Variants in OXCT1 observed in about 807,000 individuals in gnomAD.
OXCT1 encodes the protein succinyl-CoA:3-ketoacid coenzyme A transferase 1, mitochondrial.
Under a neutral mutation model 69.6 loss-of-function variants are expected in OXCT1, and 27 were observed. The ratio of observed to expected loss-of-function variants is 0.39; its 90% CI spans 0.29 to 0.54. The LOEUF (loss-of-function observed/expected upper bound fraction) is 0.54, where lower values mean the gene tolerates loss of function less well. Ranked by LOEUF, OXCT1 falls within the 20% of genes least tolerant of loss-of-function variation. The pLI, the probability that OXCT1 is intolerant of heterozygous loss-of-function variation, is 0.72. For missense variants in OXCT1, 437 were observed against 650.2 expected, an observed-to-expected ratio of 0.67 and a Z score of 3.57; for synonymous variants, 202 against 217.8, an observed-to-expected ratio of 0.93 and a Z score of 0.64.
At chr5:41,851,839 T>A (rs900151008) in intron 4 of OXCT1, among the ~76,000 whole-genome samples, 15 of 152,186 alleles carry the variant, frequency 9.9e-5, no homozygotes, top group Non-Finnish European at 2.1e-4. Context: ...GAATACTGTA[T>A]CTTAACCTAC....
chr5:41,805,253 A>G (rs1489779638), intron 9 of OXCT1, among the ~76,000 whole-genome samples: 2 of 152,166 alleles, frequency 1.3e-5, no homozygotes, highest in African/African-American at 4.8e-5. Context: ...GAAAACACTC[A>G]TCTTGGGTAA....
chr5:41,769,879 C>T (rs987156445), intron 13 of OXCT1, among the ~76,000 whole-genome samples: 1 of 152,180 alleles, frequency 6.6e-6, no homozygotes, highest in Non-Finnish European at 1.5e-5. Flanking sequence ...GTGCCTGAGC[C>T]TCCCAAGTAG....
At chr5:41,787,630 T>A (rs1745702337) in intron 13 of OXCT1, among the ~76,000 whole-genome samples, 2 of 43,700 alleles carry the variant, frequency 4.6e-5, no homozygotes, top group Non-Finnish European at 9.3e-5. Context: ...AAGCAAGCAT[T>A]AGGCAAAAAA....
chr5:41,853,362 G>GA, intron 4 of OXCT1, 57 bp downstream of exon 4: 1 of 1,531,950 alleles, frequency 6.5e-7, no homozygotes, highest in Non-Finnish European at 9.0e-7. Context: ...TTTCCACGGA[G>GA]AAAAAAGGAA....
intron 8 of OXCT1, 129 bp downstream of exon 8, chr5:41,807,202 A>G (rs1746722229): frequency 4.3e-6 from 3 of 692,290 alleles, no homozygotes; most frequent in Admixed American, 4.1e-5. Context: ...ACACATGAGA[A>G]GCTCTTACTA....
Position 41,739,414 on chromosome 5 carries a change from C to A in OXCT1, c.1497G>T (p.Gln499His). 1 of 1,612,710 alleles carries A rather than the reference C, an allele frequency of 6.2e-7. No individual in the cohort carries two copies. The highest frequency in any genetic ancestry group is 8.5e-7 in the Non-Finnish European group (1 of 1,178,672). ...CTGCAAAATCACACCCAGTACTCTT[C>A]TGTACGTCATCCACTGTCAGGCCTT... ...LWEGLTVDDV[Q>H]KSTGCDFAVS... Residue 499 changes from glutamine (Q) to histidine (H), a missense_variant, in exon 16 of 17, where the codon CAG (glutamine) becomes CAT (histidine). Around this residue, in one of 4 missense-constraint regions of OXCT1, gnomAD observed 102 missense variants for 162.1 expected, o/e 0.63. Coordinates refer to ENST00000196371, the MANE Select transcript of OXCT1 (RefSeq NM_000436.4).
intron 14 of OXCT1, among the ~76,000 whole-genome samples, chr5:41,750,135 G>GTTTTTTCTTTTTTTTTTTTTTT (rs1743699054): frequency 1.4e-5 from 1 of 73,924 alleles, no homozygotes. Flanking sequence ...GTGTTTTTTG[G>GTTTTTTCTTTTTTTTTTTTTTT]TTTTTTTTTT....
intron 1 of OXCT1, among the ~76,000 whole-genome samples, chr5:41,869,281 G>A (rs1041813415): frequency 2.0e-5 from 3 of 152,218 alleles, no homozygotes; most frequent in African/African-American, 7.2e-5. Flanking sequence ...CGCTTCAGGA[G>A]TAAGCACCGT....
chr5:41,819,360 TC>T, intron 7 of OXCT1, among the ~76,000 whole-genome samples: 2 of 139,632 alleles, frequency 1.4e-5, no homozygotes, highest in Non-Finnish European at 3.1e-5. Flanking sequence ...CTCTGGCTCT[TC>T]CTTTTTTGGG....
intron 7 of OXCT1, among the ~76,000 whole-genome samples, chr5:41,822,189 C>A (rs1161543969): frequency 1.3e-5 from 2 of 152,078 alleles, no homozygotes; most frequent in Admixed American, 1.3e-4. Context: ...GTAAATGGAA[C>A]TGGTGATGGG....
chr5:41,861,318 C>T lies in OXCT1; in HGVS notation c.274G>A (p.Ala92Thr). ...VKGLTAVSNN[A>T]GVDNFGLGLL... ...GTTTTTAAAATGCACACTTACCCTG[C>T]ATTGTTGCTGACTGCAGTTAGTCCT... Residue 92 changes from alanine (A) to threonine (T), a missense_variant, in exon 3 of 17, where the codon GCA becomes ACA. Around this residue, in one of 4 missense-constraint regions of OXCT1, gnomAD observed 252 missense variants for 397.4 expected, o/e 0.63. Transcript: ENST00000196371. 1 of 1,587,388 alleles carries T rather than the reference C, an allele frequency of 6.3e-7. No individual in the cohort carries two copies.
chr5:41,766,423 T>C (rs1304755853), intron 13 of OXCT1, among the ~76,000 whole-genome samples: 2 of 151,964 alleles, frequency 1.3e-5, no homozygotes, highest in Admixed American at 6.6e-5. Flanking sequence ...TTCTAGAAAA[T>C]AGATTTAAGC....
intron 7 of OXCT1, among the ~76,000 whole-genome samples, chr5:41,835,180 T>C (rs1049559302): frequency 3.3e-5 from 5 of 152,202 alleles, no homozygotes; most frequent in Non-Finnish European, 5.9e-5. Flanking sequence ...GAGTCGTTAG[T>C]GGCTACTAGG....
At chr5:41,841,105 T>G (rs1748607456) in intron 6 of OXCT1, among the ~76,000 whole-genome samples, 1 of 152,194 alleles carries the variant, frequency 6.6e-6, no homozygotes, top group African/African-American at 2.4e-5. Context: ...GTGTAAAAAT[T>G]TCTAGCAGGT....
At chr5:41,789,402 C>G (rs1745805121) in intron 13 of OXCT1, among the ~76,000 whole-genome samples, 1 of 152,132 alleles carries the variant, frequency 6.6e-6, no homozygotes, top group South Asian at 2.1e-4. Context: ...TACTGCATCC[C>G]CAAAAACGTT....
chr5:41,822,043 C>T (rs1405317475), intron 7 of OXCT1, among the ~76,000 whole-genome samples: 1 of 152,164 alleles, frequency 6.6e-6, no homozygotes, highest in Admixed American at 6.5e-5. Context: ...TTTACACTTA[C>T]ATTTAGTTCT....
chr5:41,730,283 T>C lies in OXCT1; in HGVS notation c.*1446A>G, dbSNP rs1036642426. 3 of 152,254 alleles carry C rather than the reference T, an allele frequency of 2.0e-5. No individual in the cohort carries two copies. The highest frequency in any genetic ancestry group is 1.9e-4 in the East Asian group (1 of 5,202). 9.4% of individuals were successfully genotyped at this position (152,254 alleles called of 1,614,324 possible). ...TGCACATTCTAAGAAGGGTCATTTTTTCCCCCCAGTACTGGGAAGGTATGC... is the reference window on the plus strand; with the variant it reads ...TGCACATTCTAAGAAGGGTCATTTTCTCCCCCCAGTACTGGGAAGGTATGC... On this transcript the variant is annotated 3_prime_UTR_variant, in exon 17 of 17. Transcript: ENST00000196371.
chr5:41,730,615 C>T lies in OXCT1; in HGVS notation c.*1114G>A, dbSNP rs763887773. The T allele has an allele frequency of 6.6e-6, 1 of 152,114 alleles. No homozygotes were observed. Among genetic ancestry groups the T allele is most frequent in the Non-Finnish European group, 1.5e-5 (1 of 68,022 alleles). 9.4% of individuals were successfully genotyped at this position (152,114 alleles called of 1,614,324 possible). ...TGCTTCTGAAGTCATTCCCATGGGC[C>T]CCTGTCAGGTATTGAGAATAAATAC... On this transcript the variant is annotated 3_prime_UTR_variant, in exon 17 of 17. Coordinates refer to ENST00000196371, the MANE Select transcript of OXCT1 (RefSeq NM_000436.4).
Position 41,794,614 on chromosome 5 carries a change from C to T in OXCT1, c.1172+63G>A, listed in dbSNP as rs1746086421. On this transcript the variant is annotated intron_variant, in intron 12 of 16. Coordinates refer to ENST00000196371, the MANE Select transcript of OXCT1 (RefSeq NM_000436.4). ...TGTGTTTCAGAGCCTTGCTAACACA[C>T]TCAGACGATGACTCAGCTCATTCCA... 34 of 1,456,688 alleles carry T rather than the reference C, an allele frequency of 2.3e-5. No homozygotes were observed. In the South Asian group the frequency reaches 3.9e-4, roughly 17 times the overall value. The allele number at this position is 1,456,688 out of a possible 1,614,324, so 90.2% of individuals were successfully genotyped here.
Sources: gnomAD v4.1 joint callset for allele counts (sites outside exome capture counted in the v4.1 genomes callset) on GRCh38, gnomAD v4.1.1 for gene constraint, gnomAD v4.1.1 regional missense constraint, MANE v1.5 for transcripts, NCBI Gene and HGNC (gene_info 2026-07-23, HGNC 2026-07-21) for gene names.